SLIT1: variants seen among roughly 807,000 people sequenced by gnomAD.
The protein encoded by SLIT1 is slit homolog 1 protein.
A neutral mutation model predicts 186.1 loss-of-function variants in SLIT1; 66 were observed. That is an observed-to-expected ratio of 0.35 (90% confidence interval 0.29 to 0.44). The LOEUF (loss-of-function observed/expected upper bound fraction) is 0.44, where lower values mean the gene tolerates loss of function less well. Ranked by LOEUF, SLIT1 falls within the 20% of genes least tolerant of loss-of-function variation. The probability of loss-of-function intolerance (pLI) is 1.00; values close to 1 mark genes in which losing one functional copy is unlikely to be tolerated. For synonymous variants in SLIT1, 761 were observed against 833.8 expected (o/e 0.91, Z 1.50); for missense variants, 1,638 against 2,037.4 (o/e 0.80, Z 3.77).
chr10:97,037,618 G>T, intron 22 of SLIT1, 80 bp downstream of exon 22: 2 of 1,103,630 alleles, frequency 1.8e-6, no homozygotes, highest in Non-Finnish European at 2.8e-6. Flanking sequence ...AGTGAGGTCC[G>T]TAGGAAATTC....
rs1849053473 is a variant in SLIT1, at chr10:97,077,129, A to G, written c.414-11043T>C. On this transcript the variant is annotated intron_variant, in intron 4 of 36. Transcript: ENST00000266058. The stretch of plus-strand genomic sequence containing the variant: ...AAACAGCTAACAAAATCAGCGAGAC[A>G]TGGTGATGTCTGCCTGTAGTCCTAG... Among the ~76,000 whole-genome samples the G allele has an allele frequency of 2.0e-5, 3 of 152,166 alleles. No individual in the cohort carries two copies. In the South Asian group the frequency reaches 6.2e-4, roughly 32 times the overall value.
Position 97,021,548 on chromosome 10 carries a change from G to T in SLIT1, c.2583-135C>A. ...CCATTTCATGAGCATTTACTGTATA[G>T]TCAGTGCTGCTTTTTTTTTTTTTTC... On this transcript the variant is annotated intron_variant, in intron 25 of 36. Coordinates refer to ENST00000266058, the MANE Select transcript of SLIT1 (RefSeq NM_003061.3). This position sits in a 1 kb window ranked among gnomAD's most constrained non-coding sequence, Gnocchi z 4.5. 9 of 667,544 alleles carry T rather than the reference G, an allele frequency of 1.3e-5. No individual in the cohort carries two copies. The highest frequency in any genetic ancestry group is 1.2e-5 in the Non-Finnish European group (5 of 412,308). The allele number at this position is 667,544 out of a possible 1,614,324, so 41.4% of individuals were successfully genotyped here.
intron 25 of SLIT1, among the ~76,000 whole-genome samples, chr10:97,025,862 A>T (rs1343841117): frequency 6.6e-6 from 1 of 151,420 alleles, no homozygotes; most frequent in Non-Finnish European, 1.5e-5. Flanking sequence ...CATCCATCCC[A>T]CTCCTAGGCG....
chr10:97,063,420 G>C, intron 8 of SLIT1, 35 bp downstream of exon 8: 6 of 1,610,054 alleles, frequency 3.7e-6, no homozygotes, highest in Non-Finnish European at 4.2e-6. Flanking sequence ...AGGAGGCGCC[G>C]GACAGTTGAG....
intron 4 of SLIT1, among the ~76,000 whole-genome samples, chr10:97,122,122 C>T (rs1290834710): frequency 6.6e-6 from 1 of 152,138 alleles, no homozygotes; most frequent in Non-Finnish European, 1.5e-5. Context: ...GAGGACAGAG[C>T]CAACTACATT....
At chr10:97,069,628 G>A (rs764772204) in intron 4 of SLIT1, among the ~76,000 whole-genome samples, 7 of 152,198 alleles carry the variant, frequency 4.6e-5, no homozygotes, top group Non-Finnish European at 1.0e-4. Context: ...ATGTGTCCCA[G>A]ACAGAAATGG....
In SLIT1 at chr10:97,106,329, C is replaced by T. The variant is rs964722706; in HGVS notation, c.414-40243G>A. Among the ~76,000 whole-genome samples, 73 of 152,080 alleles carry T rather than the reference C, an allele frequency of 4.8e-4. 1 individual carries two copies. In the Middle Eastern group the frequency reaches 0.01, roughly 21 times the overall value. ...AACATCTTGGGACATGAATGAAGAACGGGAAAATCAGAAATGAGGCCTATG... is the reference window on the plus strand; with the variant it reads ...AACATCTTGGGACATGAATGAAGAATGGGAAAATCAGAAATGAGGCCTATG... On this transcript the variant is annotated intron_variant, in intron 4 of 36. Transcript: ENST00000266058.
At chr10:97,040,881 A>G (rs115438264) in intron 20 of SLIT1, among the ~76,000 whole-genome samples, 2 of 152,194 alleles carry the variant, frequency 1.3e-5, no homozygotes, top group African/African-American at 4.8e-5. Flanking sequence ...GGATGCTGGT[A>G]GCACATGCTC....
chr10:97,066,809 G>A (rs1848950943), intron 4 of SLIT1, among the ~76,000 whole-genome samples: 1 of 152,140 alleles, frequency 6.6e-6, no homozygotes, highest in African/African-American at 2.4e-5. Flanking sequence ...TGCCCACAGA[G>A]GTCAGCCCAC....
In SLIT1 at chr10:97,068,912, T is replaced by A. The variant is rs2636792; in HGVS notation, c.414-2826A>T. Among the ~76,000 whole-genome samples the A allele has an allele frequency of 0.03, 4,565 of 152,186 alleles. 259 individuals are homozygous for A. The highest frequency in any genetic ancestry group is 0.11 in the African/African-American group (4,365 of 41,484). ...CCCAGCCCCATATGTCTTGAGAGGCTCATTTCAGTCTTTGCCTGCCTAATC... is the reference window on the plus strand; with the variant it reads ...CCCAGCCCCATATGTCTTGAGAGGCACATTTCAGTCTTTGCCTGCCTAATC... On this transcript the variant is annotated intron_variant, in intron 4 of 36. Transcript: ENST00000266058. This position sits in a 1 kb window ranked among gnomAD's most constrained non-coding sequence, Gnocchi z 4.2.
chr10:97,040,142 C>G, intron 20 of SLIT1, 22 bp from the exon 21 acceptor site: 1 of 1,535,718 alleles, frequency 6.5e-7, no homozygotes, highest in Non-Finnish European at 8.7e-7. Context: ...GGCACGAAGC[C>G]CCTGTCAGGG....
In SLIT1 at chr10:97,043,359, GCC is replaced by G. The variant is rs747080378; in HGVS notation, c.1997+9_1997+10del. 2 of 1,612,990 alleles carry G rather than the reference GCC, an allele frequency of 1.2e-6. No individual in the cohort carries two copies. Among genetic ancestry groups the G allele is most frequent in the Non-Finnish European group, 1.7e-6 (2 of 1,179,922 alleles). ...GAGCCCCCGCCCGCCTGTCCTGGAG[GCC>G]GGACTCACAGTGTGGAGAGGGACTG... On this transcript the variant is annotated intron_variant, in intron 19 of 36. Transcript: ENST00000266058. The surrounding 1 kb of genome is among the most constrained non-coding windows in gnomAD (Gnocchi z 7.0).
rs555439857 is a variant in SLIT1, at chr10:97,090,191, T to TGGA, written c.414-24108_414-24106dup. On this transcript the variant is annotated intron_variant, in intron 4 of 36. Coordinates refer to ENST00000266058, the MANE Select transcript of SLIT1 (RefSeq NM_003061.3). The stretch of plus-strand genomic sequence containing the variant: ...AAAACCACCCACATGATTTCAGAGA[T>TGGA]GGAGGAGTGCCGTGAAGGAAACAGA... Among the ~76,000 whole-genome samples the TGGA allele has an allele frequency of 9.2e-5, 14 of 152,136 alleles. No individual in the cohort carries two copies. In the East Asian group the frequency reaches 2.5e-3, roughly 27 times the overall value.
At chr10:97,101,096 G>C (rs1849348477) in intron 4 of SLIT1, among the ~76,000 whole-genome samples, 1 of 152,202 alleles carries the variant, frequency 6.6e-6, no homozygotes, top group Non-Finnish European at 1.5e-5. Flanking sequence ...AGGCCACCCA[G>C]CACTAGGGAG....
intron 11 of SLIT1, chr10:97,057,828 A>G: frequency 1.8e-6 from 1 of 563,188 alleles, no homozygotes. Flanking sequence ...TAAAAAAACA[A>G]AAGTTCAAAA....
In SLIT1 at chr10:97,006,441, G is replaced by A. The variant is rs1041671379; in HGVS notation, c.3579+42C>T. 2.1e-6 allele frequency: 3 copies of A among 1,447,500 alleles called. No individual in the cohort carries two copies. Among genetic ancestry groups the A allele is most frequent in the Non-Finnish European group, 1.9e-6 (2 of 1,030,690 alleles). 89.7% of individuals were successfully genotyped at this position (1,447,500 alleles called of 1,614,324 possible). A position where few individuals can be genotyped will look rare whatever the true frequency, so the allele number is the denominator to read the frequency against. ...GCTCTGGCCTAAGCCAGGGTCGCCT[G>A]CTCCCTGACTCCCCTCTGTGACCAA... On this transcript the variant is annotated intron_variant, in intron 32 of 36. Transcript: ENST00000266058. The surrounding 1 kb of genome is among the most constrained non-coding windows in gnomAD (Gnocchi z 4.0).
chr10:97,127,675 C>T (rs984326070), intron 4 of SLIT1, among the ~76,000 whole-genome samples: 9 of 152,310 alleles, frequency 5.9e-5, no homozygotes, highest in African/African-American at 2.2e-4. Context: ...CTTCAGGGAT[C>T]ATGCGTAGTC....
intron 26 of SLIT1, among the ~76,000 whole-genome samples, chr10:97,019,557 C>T (rs536209568): frequency 2.1e-4 from 32 of 152,296 alleles, no homozygotes; most frequent in East Asian, 1.2e-3. Context: ...AGAGAGGAGA[C>T]GGTGACTTTG....
intron 4 of SLIT1, among the ~76,000 whole-genome samples, chr10:97,131,039 C>T (rs1015097581): frequency 6.6e-6 from 1 of 152,194 alleles, no homozygotes; most frequent in African/African-American, 2.4e-5. Context: ...GGACATAGAA[C>T]AGAGCCTGTG....
Sources: gnomAD v4.1 joint callset for allele counts (sites outside exome capture counted in the v4.1 genomes callset) on GRCh38, gnomAD v4.1.1 for gene constraint, Gnocchi (gnomAD v3.1) non-coding constraint, MANE v1.5 for transcripts, NCBI Gene and HGNC (gene_info 2026-07-23, HGNC 2026-07-21) for gene names.